ANKUB1: variants seen among roughly 807,000 people sequenced by gnomAD.
The protein encoded by ANKUB1 is protein ANKUB1.
Under a neutral mutation model 49.3 loss-of-function variants are expected in ANKUB1, and 42 were observed. The ratio of observed to expected loss-of-function variants is 0.85; its 90% confidence interval spans 0.67 to 1.10. The LOEUF is 1.10. Ranked by LOEUF, ANKUB1 falls within the 50% of genes least tolerant of loss-of-function variation. ANKUB1 has a pLI of 0.00. For missense variants in ANKUB1, 613 were observed against 642.0 expected, an observed-to-expected ratio of 0.95 and a Z score of 0.49; for synonymous variants, 222 against 231.0, an observed-to-expected ratio of 0.96 and a Z score of 0.35.
intron 3 of ANKUB1, among the ~76,000 whole-genome samples, chr3:149,777,807 AGT>A (rs1322056893): frequency 6.6e-6 from 1 of 152,166 alleles, no homozygotes; most frequent in Admixed American, 6.5e-5. Context: ...ATTTTAACTG[AGT>A]GTGTATACAT....
intron 3 of ANKUB1, among the ~76,000 whole-genome samples, chr3:149,776,248 G>C (rs1280551061): frequency 6.6e-6 from 1 of 152,134 alleles, no homozygotes; most frequent in African/African-American, 2.4e-5. Context: ...CAAAGTTCCA[G>C]TTCTCCTCCT....
intron 2 of ANKUB1, among the ~76,000 whole-genome samples, chr3:149,789,630 CT>C (rs35696242): frequency 3.5e-4 from 49 of 140,484 alleles, no homozygotes; most frequent in Non-Finnish European, 3.0e-4. Context: ...GAAGAATATT[CT>C]TTTTTTTTTT....
rs535786087 is a variant in ANKUB1, at chr3:149,792,161, C to T, written c.90+116G>A. On this transcript the variant is annotated intron_variant, in intron 1 of 5. Transcript: ENST00000446160. ...AATAATAGTATTTTCAAATAGTTTT[C>T]GTTCCCTGTTTGCTGAAAATGTACC... 18 of 564,996 alleles carry T rather than the reference C, an allele frequency of 3.2e-5. No homozygotes were observed. The South Asian group carries it at 4.5e-4, about 14-fold the overall frequency. The allele number at this position is 564,996 out of a possible 1,614,324, so 35.0% of individuals were successfully genotyped here.
chr3:149,787,146 C>G (rs1176854313), intron 2 of ANKUB1, among the ~76,000 whole-genome samples: 1 of 152,148 alleles, frequency 6.6e-6, no homozygotes, highest in African/African-American at 2.4e-5. Flanking sequence ...GGCATTGAAT[C>G]TATAAATTAC....
intron 4 of ANKUB1, 92 bp downstream of exon 4, chr3:149,770,468 G>A (rs775297148): frequency 2.2e-4 from 196 of 888,950 alleles, no homozygotes; most frequent in Non-Finnish European, 3.3e-4. Flanking sequence ...CACCCCAGCT[G>A]TAGAGTGAGT....
intron 2 of ANKUB1, among the ~76,000 whole-genome samples, chr3:149,785,535 T>A (rs1718056129): frequency 6.6e-6 from 1 of 152,114 alleles, no homozygotes; most frequent in Non-Finnish European, 1.5e-5. Context: ...CTTGCCATAG[T>A]TTGCTGAGAA....
chr3:149,771,405 A>G (rs1193637031), intron 3 of ANKUB1, among the ~76,000 whole-genome samples: 3 of 152,054 alleles, frequency 2.0e-5, no homozygotes, highest in African/African-American at 4.8e-5. Context: ...TTGACCTTTC[A>G]CCTGTCCTCA....
At chr3:149,790,103 T>C (rs371363411) in intron 2 of ANKUB1, among the ~76,000 whole-genome samples, 1 of 152,312 alleles carries the variant, frequency 6.6e-6, no homozygotes, top group East Asian at 1.9e-4. Flanking sequence ...ATAATACTTC[T>C]ACCCTAGAGC....
intron 4 of ANKUB1, 137 bp downstream of exon 4, chr3:149,770,423 G>C (rs141289343): frequency 6.2e-6 from 4 of 643,610 alleles, no homozygotes; most frequent in Non-Finnish European, 8.1e-6. Context: ...ATAATATTTG[G>C]TTGAGACATA....
chr3:149,785,706 T>C (rs1432359543), intron 2 of ANKUB1, among the ~76,000 whole-genome samples: 1 of 152,240 alleles, frequency 6.6e-6, no homozygotes, highest in Admixed American at 6.5e-5. Flanking sequence ...TTGTGAATAG[T>C]GCTGCAATAA....
chr3:149,780,538 T>C (rs1048529623), intron 2 of ANKUB1, 83 bp from the exon 3 acceptor site: 2 of 1,008,556 alleles, frequency 2.0e-6, no homozygotes, highest in African/African-American at 3.2e-5. Flanking sequence ...TTTGAGCACC[T>C]CTAGCTCCAC....
chr3:149,774,409 T>C lies in ANKUB1; in HGVS notation c.452-3735A>G, dbSNP rs528087847. Among the ~76,000 whole-genome samples, 4 of 152,324 alleles carry C rather than the reference T, an allele frequency of 2.6e-5. No individual in the cohort carries two copies. In the East Asian group the frequency reaches 7.7e-4, roughly 29 times the overall value. ...ACTGACAGCTGCAGACTGACCTGCC[T>C]ATTCCAGGCCTTCCACCAGAAGGAC... is the stretch of plus-strand genomic sequence containing the variant. On this transcript the variant is annotated intron_variant, in intron 3 of 5. Transcript: ENST00000446160.
At chr3:149,776,107 T>C (rs1161340137) in intron 3 of ANKUB1, among the ~76,000 whole-genome samples, 3 of 152,216 alleles carry the variant, frequency 2.0e-5, no homozygotes, top group African/African-American at 4.8e-5. Context: ...TCTTTCTCCA[T>C]CTCCTTTATT....
In ANKUB1 at chr3:149,770,631, A is replaced by G; in HGVS notation, c.495T>C (p.Phe165=). The G allele has an allele frequency of 6.4e-7, 1 of 1,550,556 alleles. No individual in the cohort carries two copies. The highest frequency in any genetic ancestry group is 8.7e-7 in the Non-Finnish European group (1 of 1,146,508). Residue 165 remains phenylalanine (F), a synonymous_variant, in exon 4 of 6, where the codon TTT becomes TTC. Transcript: ENST00000446160. The stretch of plus-strand genomic sequence containing the variant: ...TTTGTCCAAGGAGACAACCCATCAG[A>G]AATTCCTTCCATCCATCCCAGACAT... The part of the protein sequence containing the change: ...RLDVWDGWKE[F]LMGCLLGQKL...
chr3:149,772,789 G>A (rs1717423060), intron 3 of ANKUB1, among the ~76,000 whole-genome samples: 1 of 152,106 alleles, frequency 6.6e-6, no homozygotes, highest in African/African-American at 2.4e-5. Context: ...AGTTCTGCTG[G>A]ACTCCCAAAC....
At chr3:149,766,440 A>G (rs932469412) in intron 5 of ANKUB1, among the ~76,000 whole-genome samples, 7 of 152,096 alleles carry the variant, frequency 4.6e-5, no homozygotes, top group Non-Finnish European at 8.8e-5. Flanking sequence ...TCTAATTACA[A>G]TTAATGTTTT....
intron 2 of ANKUB1, among the ~76,000 whole-genome samples, chr3:149,785,306 A>G (rs527483135): frequency 2.6e-4 from 39 of 152,296 alleles, no homozygotes; most frequent in Admixed American, 1.9e-3. Flanking sequence ...ACATGTGCAC[A>G]ACGTGCAGGT....
At chr3:149,775,641 G>A (rs897736512) in intron 3 of ANKUB1, among the ~76,000 whole-genome samples, 1 of 152,140 alleles carries the variant, frequency 6.6e-6, no homozygotes, top group Non-Finnish European at 1.5e-5. Context: ...CCTATGAGGT[G>A]TTTATAGTGA....
rs1312811315 is a variant in ANKUB1 at position 149,790,910 on chromosome 3, A to T, written c.105T>A (p.Ile35=). The T allele has an allele frequency of 1.9e-6, 3 of 1,551,590 alleles. No homozygotes were observed. The Admixed American group carries it at 5.9e-5, about 31-fold the overall frequency. Residue 35 remains isoleucine (I), a synonymous_variant, in exon 2 of 6, where the codon ATT becomes ATA. Transcript: ENST00000446160. ...VKLMIKDYFH[I]PLSEDKQGRR... is the part of the protein sequence containing the mutation. ...TGCCTTGTTTGTCTTCAGAGAGAGG[A>T]ATGTGGAAATAATCCTTAAAAATCA...
Sources: gnomAD v4.1 joint callset for allele counts (sites outside exome capture counted in the v4.1 genomes callset) on GRCh38, gnomAD v4.1.1 for gene constraint, MANE v1.5 for transcripts, NCBI Gene and HGNC (gene_info 2026-07-23, HGNC 2026-07-21) for gene names.